COMMD1: variants seen among roughly 807,000 people sequenced by gnomAD.
The protein encoded by COMMD1 is copper metabolism domain containing 1.
COMMD1 carries 10 observed loss-of-function variants against 17.2 expected under a neutral mutation model. The ratio of observed to expected loss-of-function variants is 0.58; its 90% CI spans 0.36 to 0.99. COMMD1 has a LOEUF of 0.99. COMMD1 is among the 50% of genes least tolerant of loss of function. The pLI, the probability that COMMD1 is intolerant of heterozygous loss-of-function variation, is 0.01. For synonymous variants in COMMD1, 97 were observed against 91.6 expected (o/e 1.06, Z -0.34); for missense variants, 270 against 231.8 (o/e 1.17, Z -1.07).
At chr2:62,070,392 A>C (rs975182514) in intron 2 of COMMD1, 1 of 151,612 alleles carries the variant, frequency 6.6e-6, no homozygotes, top group Non-Finnish European at 1.5e-5. Context: ...CCTGTCACCA[A>C]AAAAAATATT....
intron 1 of COMMD1, among the ~76,000 whole-genome samples, chr2:61,954,190 CAGAGTGAGACTCTGTCTCAAAAAAA>C (rs1671134491): frequency 6.6e-6 from 1 of 151,974 alleles, no homozygotes; most frequent in African/African-American, 2.4e-5. Flanking sequence ...CCCTGGGCGA[CAGAGTGAGACTCTGTCTCAAAAAAA>C]AGAGAGTTTA....
chr2:62,092,993 G>A (rs1671880032), intron 2 of COMMD1, among the ~76,000 whole-genome samples: 1 of 152,204 alleles, frequency 6.6e-6, no homozygotes, highest in Admixed American at 6.5e-5. Context: ...AGGCACAATG[G>A]AAATGTTGTA....
At chr2:62,041,310 GT>G (rs911649574) in intron 2 of COMMD1, among the ~76,000 whole-genome samples, 18 of 149,522 alleles carry the variant, frequency 1.2e-4, no homozygotes, top group African/African-American at 2.7e-4. Flanking sequence ...ACTACTTGTG[GT>G]TTTTTTTTCG....
chr2:62,066,184 A>G (rs112644439), intron 2 of COMMD1, among the ~76,000 whole-genome samples: 1,569 of 152,322 alleles, frequency 0.01, 26 homozygotes, highest in African/African-American at 0.035. Context: ...TGTCATTTCT[A>G]ATCTTACCGT....
intron 1 of COMMD1, among the ~76,000 whole-genome samples, chr2:61,973,855 A>G (rs1671715519): frequency 6.6e-6 from 1 of 152,226 alleles, no homozygotes; most frequent in Admixed American, 6.5e-5. Flanking sequence ...GTGTATACCT[A>G]TATAATCCAC....
chr2:62,001,218 T>A, intron 2 of COMMD1: 1 of 505,972 alleles, frequency 2.0e-6, no homozygotes, highest in Non-Finnish European at 3.6e-6. Flanking sequence ...GGGCCAATAA[T>A]GTGATTGCTC....
intron 1 of COMMD1, among the ~76,000 whole-genome samples, chr2:61,938,662 C>G (rs920332267): frequency 6.6e-6 from 1 of 152,136 alleles, no homozygotes; most frequent in Non-Finnish European, 1.5e-5. Flanking sequence ...CAGTCAGATT[C>G]TTTCTTGTGG....
intron 2 of COMMD1, among the ~76,000 whole-genome samples, chr2:62,060,766 C>T (rs942392758): frequency 6.6e-6 from 1 of 152,166 alleles, no homozygotes; most frequent in African/African-American, 2.4e-5. Flanking sequence ...TTCAGCCAAA[C>T]AACAGTTTTG....
rs117551868 is a variant in COMMD1, at chr2:62,074,562, C to T, written c.463-61269C>T. ...GTCAAATTCTGTATTATACAACACT[C>T]TGAACCCAGGAGGCTAAACAGTATG... On this transcript the variant is annotated intron_variant, in intron 2 of 2. Coordinates refer to ENST00000311832, the MANE Select transcript of COMMD1 (RefSeq NM_152516.4). Among the ~76,000 whole-genome samples the T allele has an allele frequency of 2.0e-4, 30 of 152,346 alleles. No individual in the cohort carries two copies. The East Asian group carries it at 5.6e-3, about 28-fold the overall frequency.
chr2:61,974,166 C>T (rs1671726964), intron 1 of COMMD1, among the ~76,000 whole-genome samples: 1 of 152,090 alleles, frequency 6.6e-6, no homozygotes, highest in Admixed American at 6.6e-5. Flanking sequence ...TGGTGGCATG[C>T]CTTTGTAATC....
intron 2 of COMMD1, among the ~76,000 whole-genome samples, chr2:62,062,868 G>A (rs1356278832): frequency 6.6e-6 from 1 of 151,816 alleles, no homozygotes; most frequent in African/African-American, 2.4e-5. Context: ...CCAGGAGTTC[G>A]TGACCAGCCT....
intron 2 of COMMD1, among the ~76,000 whole-genome samples, chr2:62,125,012 G>T (rs951471029): frequency 6.6e-6 from 1 of 152,194 alleles, no homozygotes; most frequent in Non-Finnish European, 1.5e-5. Flanking sequence ...TTATGGGAAT[G>T]CAGGCTTTTT....
intron 1 of COMMD1, among the ~76,000 whole-genome samples, chr2:61,981,390 C>T (rs971620625): frequency 2.0e-5 from 3 of 152,156 alleles, no homozygotes; most frequent in African/African-American, 7.2e-5. Context: ...TTGCCTAGCA[C>T]CACTTATTGA....
intron 2 of COMMD1, among the ~76,000 whole-genome samples, chr2:62,072,703 T>G (rs1671230334): frequency 6.6e-6 from 1 of 152,226 alleles, no homozygotes; most frequent in African/African-American, 2.4e-5. Flanking sequence ...GCTCCATGTT[T>G]GCTGGCATCT....
At chr2:61,896,793 A>AT (rs1669556736) in intron 1 of COMMD1, among the ~76,000 whole-genome samples, 1 of 151,428 alleles carries the variant, frequency 6.6e-6, no homozygotes, top group Non-Finnish European at 1.5e-5. Context: ...TAAAACTCAC[A>AT]TATGAAAGGT....
intron 1 of COMMD1, among the ~76,000 whole-genome samples, chr2:61,940,763 T>C (rs1670722985): frequency 6.6e-6 from 1 of 150,848 alleles, no homozygotes; most frequent in Admixed American, 6.6e-5. Context: ...CTCGGCTCAC[T>C]GCAAGCTCCG....
At chr2:62,084,308 C>T (rs1321747554) in intron 2 of COMMD1, among the ~76,000 whole-genome samples, 1 of 152,054 alleles carries the variant, frequency 6.6e-6, no homozygotes. Context: ...AACCAGAAGC[C>T]TTACATAACA....
intron 2 of COMMD1, among the ~76,000 whole-genome samples, chr2:62,056,986 T>G (rs539517551): frequency 6.6e-6 from 1 of 152,220 alleles, no homozygotes; most frequent in African/African-American, 2.4e-5. Context: ...GAAGCAGCGT[T>G]TTCTGCAGTG....
intron 1 of COMMD1, among the ~76,000 whole-genome samples, chr2:61,889,241 C>G (rs886972191): frequency 2.4e-5 from 3 of 126,154 alleles, no homozygotes; most frequent in African/African-American, 8.9e-5. Context: ...GAGTCTCGCT[C>G]TGTCGTCCAG....
Sources: allele counts gnomAD v4.1 joint callset (sites outside exome capture counted in the v4.1 genomes callset), GRCh38; gene constraint gnomAD v4.1.1; transcripts MANE v1.5; gene names NCBI Gene and HGNC (gene_info 2026-07-23, HGNC 2026-07-21).